The following CPAMD8 variants were observed in gnomAD, a reference collection of about 807,000 sequenced individuals.
CPAMD8 encodes the protein C3 and PZP-like alpha-2-macroglobulin domain-containing protein 8.
A neutral mutation model predicts 224.7 loss-of-function variants in CPAMD8; 146 were observed. That is an observed-to-expected ratio of 0.65 (90% CI 0.57 to 0.75). CPAMD8 has a LOEUF of 0.75. CPAMD8 is among the 30% of genes least tolerant of loss of function. The probability of loss-of-function intolerance (pLI) is 0.00; values close to 1 mark genes in which losing one functional copy is unlikely to be tolerated. For synonymous variants in CPAMD8, 966 were observed against 1,044.6 expected (o/e 0.92, Z 1.45); for missense variants, 2,301 against 2,537.5 (o/e 0.91, Z 2.00).
chr19:16,899,651 G>A lies in CPAMD8; in HGVS notation c.4774-102C>T. Reference sequence around the variant, plus strand: ...GTGGGATGCTTGGACTTGCCCACAAGTTACCATGGGCTGGGGTCTGGGTGC... The same window carrying A: ...GTGGGATGCTTGGACTTGCCCACAAATTACCATGGGCTGGGGTCTGGGTGC... On this transcript the variant is annotated intron_variant, in intron 36 of 41. Coordinates refer to ENST00000443236, the MANE Select transcript of CPAMD8 (RefSeq NM_015692.5). This position sits in a 1 kb window ranked among gnomAD's most constrained non-coding sequence, Gnocchi z 5.4. 5.6e-6 allele frequency: 4 copies of A among 708,764 alleles called. No homozygotes were observed. Among genetic ancestry groups the A allele is most frequent in the Non-Finnish European group, 1.0e-5 (4 of 385,652 alleles). 43.9% of individuals were successfully genotyped at this position (708,764 alleles called of 1,614,324 possible). A position where few individuals can be genotyped will look rare whatever the true frequency, so the allele number is the denominator to read the frequency against.
At chr19:16,894,213 C>A in intron 41 of CPAMD8, 2 of 343,858 alleles carry the variant, frequency 5.8e-6, no homozygotes, top group Non-Finnish European at 6.0e-6. Flanking sequence ...CCCCCTGCAC[C>A]ACACCGGTGA....
intron 27 of CPAMD8, 65 bp downstream of exon 27, chr19:16,921,840 G>T: frequency 9.7e-7 from 1 of 1,026,184 alleles, no homozygotes; most frequent in Non-Finnish European, 1.5e-6. Context: ...ACACTGCATT[G>T]GATGTGAGGC....
At chr19:17,004,964 C>CAGAG (rs373313266) in intron 7 of CPAMD8, among the ~76,000 whole-genome samples, 9 of 139,940 alleles carry the variant, frequency 6.4e-5, no homozygotes, top group East Asian at 2.1e-4. Flanking sequence ...GAGAGACAGA[C>CAGAG]AGAGAGAGAG....
At chr19:16,979,197 G>A (rs1439846293) in intron 14 of CPAMD8, among the ~76,000 whole-genome samples, 2 of 136,292 alleles carry the variant, frequency 1.5e-5, no homozygotes, top group South Asian at 2.4e-4. Flanking sequence ...TATTCATCCA[G>A]TCATCATCCG....
chr19:16,987,073 T>G lies in CPAMD8; in HGVS notation c.1395+2570A>C, dbSNP rs572422351. Among the ~76,000 whole-genome samples the G allele has an allele frequency of 2.9e-5, 4 of 139,734 alleles. No individual in the cohort carries two copies. The East Asian group carries it at 8.7e-4, about 30-fold the overall frequency. The allele number at this position is 139,734 out of a possible 152,430, so 91.7% of individuals were successfully genotyped here. A position where few individuals can be genotyped will look rare whatever the true frequency, so the allele number is the denominator to read the frequency against. ...ACTCGGGAGGCTGAGGCAGGAGAAG[T>G]GCTTGAACCCAGGAGATGGAGGTTG... is the stretch of plus-strand genomic sequence containing the variant. On this transcript the variant is annotated intron_variant, in intron 13 of 41. Coordinates refer to ENST00000443236, the MANE Select transcript of CPAMD8 (RefSeq NM_015692.5).
chr19:16,949,349 C>A (rs1400655664), intron 20 of CPAMD8, among the ~76,000 whole-genome samples: 2 of 152,240 alleles, frequency 1.3e-5, no homozygotes, highest in South Asian at 2.1e-4. Context: ...GGAAACCTCC[C>A]TTTAGGGGCC....
intron 3 of CPAMD8, among the ~76,000 whole-genome samples, chr19:17,015,796 G>A (rs565235015): frequency 3.3e-5 from 5 of 152,270 alleles, no homozygotes; most frequent in Admixed American, 6.5e-5. Context: ...GCTGAGGACC[G>A]TATGCTGGAG....
chr19:16,914,852 T>G, intron 27 of CPAMD8, 39 bp from the exon 28 acceptor site: 1 of 1,498,032 alleles, frequency 6.7e-7, no homozygotes, highest in Non-Finnish European at 9.1e-7. Context: ...GGTTGCAGAA[T>G]GGTCAGCCCC....
At chr19:16,979,425 T>A (rs1404165146) in intron 14 of CPAMD8, among the ~76,000 whole-genome samples, 7 of 96,730 alleles carry the variant, frequency 7.2e-5, no homozygotes, top group African/African-American at 4.4e-4. Flanking sequence ...TTTTGGTCCA[T>A]CCATCCATCC....
intron 13 of CPAMD8, among the ~76,000 whole-genome samples, chr19:16,981,762 C>T (rs2055522947): frequency 6.6e-6 from 1 of 152,224 alleles, no homozygotes; most frequent in South Asian, 2.1e-4. Flanking sequence ...CCTGAAAGCC[C>T]AGAAGAGGGA....
intron 3 of CPAMD8, among the ~76,000 whole-genome samples, chr19:17,012,587 G>A (rs529666199): frequency 2.0e-5 from 3 of 152,112 alleles, no homozygotes; most frequent in African/African-American, 7.2e-5. Context: ...GGGCTCAAGC[G>A]ATCCTCCCAC....
In CPAMD8 at chr19:16,914,672, C is replaced by A; in HGVS notation, c.3771G>T (p.Leu1257=). The A allele has an allele frequency of 6.2e-7, 1 of 1,614,020 alleles. No individual in the cohort carries two copies. The highest frequency in any genetic ancestry group is 1.1e-5 in the South Asian group (1 of 91,068). The change falls in exon 28 of 42, where the codon CTG becomes CTT. Residue 1257 remains leucine (L), a synonymous_variant. Transcript: ENST00000443236. The part of the protein sequence containing the change: ...DGSFLAVGRV[L]NKDIQGGIHG... ...GGCCACTCACCTGGATGTCCTTGTT[C>A]AGGACCCTGCCCACGGCCAGGAAGG...
rs1184529046 is a variant in CPAMD8 at position 16,914,460 on chromosome 19, C to G, written c.3825G>C (p.Val1275=). The part of the protein sequence containing the change: ...IHGTVPLTAY[V]VVALLETGTA... ...TGCCTGTTTCCAGGAGAGCAACCAC[C>G]ACGTAGGCTGTCAGCGGGACAGTGC... The change falls in exon 29 of 42, where the codon GTG becomes GTC. Residue 1275 remains valine (V), a synonymous_variant. Coordinates refer to ENST00000443236, the MANE Select transcript of CPAMD8 (RefSeq NM_015692.5). 6.2e-7 allele frequency: 1 copy of G among 1,614,198 alleles called. No individual in the cohort carries two copies. Among genetic ancestry groups the G allele is most frequent in the Non-Finnish European group, 8.5e-7 (1 of 1,180,036 alleles).
chr19:16,987,766 T>G (rs1447588411), intron 13 of CPAMD8, among the ~76,000 whole-genome samples: 1 of 152,142 alleles, frequency 6.6e-6, no homozygotes, highest in Non-Finnish European at 1.5e-5. Flanking sequence ...TCCTCCTGCC[T>G]CAGCCTCTTG....
chr19:16,928,702 T>A (rs2144959009), intron 24 of CPAMD8, among the ~76,000 whole-genome samples: 1 of 151,604 alleles, frequency 6.6e-6, no homozygotes, highest in South Asian at 2.1e-4. Context: ...ATTCTTCTTT[T>A]CTCCCCTACC....
At chr19:16,904,085 AC>A in intron 32 of CPAMD8, 140 bp downstream of exon 32, 1 of 1,033,262 alleles carries the variant, frequency 9.7e-7, no homozygotes, top group Non-Finnish European at 1.4e-6. Flanking sequence ...TCTGTCCCTC[AC>A]CCCCAACCCC....
rs760356652 is a variant in CPAMD8, at chr19:16,928,009, C to T, written c.3370G>A (p.Gly1124Arg). 3.2e-5 allele frequency: 51 copies of T among 1,608,412 alleles called. No homozygotes were observed. The highest frequency in any genetic ancestry group is 6.6e-5 in the South Asian group (6 of 90,968). The change falls in exon 25 of 42, where the codon GGG becomes AGG. Residue 1124 changes from glycine (G) to arginine (R), a missense_variant and splice_region_variant. This residue lies in a region of CPAMD8 where 1,709 missense variants were observed against 1,753.2 expected (regional missense o/e 0.97). Transcript: ENST00000443236. The part of the protein sequence containing the change: ...GSERATASII[G>R]DVMGPTLNHL... Reference sequence around the variant, plus strand: ...AAGCCAGGCTGTGGGACAGACGCACCGATGATGGAGGCGGTGGCTCGCTCA... The same window carrying T: ...AAGCCAGGCTGTGGGACAGACGCACTGATGATGGAGGCGGTGGCTCGCTCA...
At chr19:16,987,168 AAAAAAAAAAAAATATATAT>A (rs2055755753) in intron 13 of CPAMD8, among the ~76,000 whole-genome samples, 2 of 103,554 alleles carry the variant, frequency 1.9e-5, no homozygotes, top group East Asian at 2.8e-4. Context: ...AAAAAAAAAA[AAAAAAAAAAAAATATATAT>A]ATATATATAT....
At chr19:16,932,049 G>A (rs1036954545) in intron 23 of CPAMD8, among the ~76,000 whole-genome samples, 7 of 152,024 alleles carry the variant, frequency 4.6e-5, no homozygotes, top group Non-Finnish European at 2.9e-5. Flanking sequence ...GCAAGGAAAC[G>A]TGACATCACC....
Sources: gnomAD v4.1 joint callset for allele counts (sites outside exome capture counted in the v4.1 genomes callset) on GRCh38, gnomAD v4.1.1 for gene constraint, gnomAD v4.1.1 regional missense constraint, Gnocchi (gnomAD v3.1) non-coding constraint, MANE v1.5 for transcripts, NCBI Gene and HGNC (gene_info 2026-07-23, HGNC 2026-07-21) for gene names.